The following ZMAT4 variants were observed in gnomAD, a reference collection of about 807,000 sequenced individuals.
The protein encoded by ZMAT4 is zinc finger matrin-type protein 4.
A neutral mutation model predicts 28.7 loss-of-function variants in ZMAT4; 17 were observed. The observed-to-expected ratio is 0.59, with a 90% CI of 0.41 to 0.89. The LOEUF (loss-of-function observed/expected upper bound fraction) is 0.89. Ranked by LOEUF, ZMAT4 falls within the 40% of genes least tolerant of loss-of-function variation. ZMAT4 has a pLI of 0.00. For synonymous variants in ZMAT4, 117 were observed against 109.2 expected, an observed-to-expected ratio of 1.07 and a Z score of -0.44; for missense variants, 240 against 283.8, an observed-to-expected ratio of 0.85 and a Z score of 1.11.
chr8:40,579,637 G>A (rs1408871591), intron 6 of ZMAT4, among the ~76,000 whole-genome samples: 5 of 152,144 alleles, frequency 3.3e-5, no homozygotes, highest in African/African-American at 1.2e-4. Context: ...GACTCCCTGT[G>A]ATGTACATCT....
chr8:40,588,747 T>C (rs550275181), intron 5 of ZMAT4, among the ~76,000 whole-genome samples: 2 of 152,248 alleles, frequency 1.3e-5, no homozygotes, highest in African/African-American at 4.8e-5. Context: ...ATCTACCTTA[T>C]GACAAGAAAT....
At chr8:40,743,257 G>A (rs1812088782) in intron 3 of ZMAT4, among the ~76,000 whole-genome samples, 1 of 152,138 alleles carries the variant, frequency 6.6e-6, no homozygotes, top group Non-Finnish European at 1.5e-5. Flanking sequence ...AGAATTTAGG[G>A]CTTTAAAACA....
chr8:40,891,176 C>A (rs1452170042), intron 1 of ZMAT4, among the ~76,000 whole-genome samples: 9 of 92,360 alleles, frequency 9.7e-5, no homozygotes, highest in African/African-American at 3.7e-4. Flanking sequence ...CCAGCCTGGG[C>A]AACAGAGTGG....
chr8:40,893,519 T>G lies in ZMAT4; in HGVS notation c.-5+4164A>C, dbSNP rs373013608. 1.8e-4 allele frequency among the ~76,000 whole-genome samples: 27 copies of G among 152,328 alleles called. 1 individual carries two copies. The highest frequency in any genetic ancestry group is 5.8e-4 in the African/African-American group (24 of 41,578). ...AGCCCTGGGACACTGCAGCATGTTT[T>G]CAGCATGGGTCAGAGCAGGACCAGC... On this transcript the variant is annotated intron_variant, in intron 1 of 6. Transcript: ENST00000297737.
At chr8:40,651,316 T>C (rs1475156045) in intron 5 of ZMAT4, among the ~76,000 whole-genome samples, 2 of 152,150 alleles carry the variant, frequency 1.3e-5, no homozygotes, top group African/African-American at 2.4e-5. Context: ...ATGAGTGAAC[T>C]CTCATTCACA....
At chr8:40,658,062 A>G (rs561751571) in intron 5 of ZMAT4, among the ~76,000 whole-genome samples, 14 of 152,268 alleles carry the variant, frequency 9.2e-5, no homozygotes, top group South Asian at 4.1e-4. Flanking sequence ...AACTCCATGT[A>G]TATTTTTCAC....
chr8:40,565,193 A>G (rs368130343), intron 6 of ZMAT4, among the ~76,000 whole-genome samples: 3 of 152,256 alleles, frequency 2.0e-5, no homozygotes, highest in African/African-American at 7.2e-5. Context: ...TAGCAATGAA[A>G]TATTCTATCA....
intron 3 of ZMAT4, among the ~76,000 whole-genome samples, chr8:40,742,918 A>T (rs888071763): frequency 6.6e-6 from 1 of 152,202 alleles, no homozygotes; most frequent in East Asian, 1.9e-4. Context: ...GTGAAAGCTT[A>T]AAAAAGACAT....
chr8:40,571,256 T>C (rs1804088348), intron 6 of ZMAT4, among the ~76,000 whole-genome samples: 1 of 151,976 alleles, frequency 6.6e-6, no homozygotes, highest in Non-Finnish European at 1.5e-5. Context: ...ACTGTAATTA[T>C]AATGTATCCC....
rs539046399 is a variant in ZMAT4, at chr8:40,596,537, G to A, written c.578-15276C>T. Reference sequence around the variant, plus strand: ...TTGTGAAAAATGAGGACATAAACACGCACATCAGCCTCGGCCTACATGAGG... The same window carrying A: ...TTGTGAAAAATGAGGACATAAACACACACATCAGCCTCGGCCTACATGAGG... On this transcript the variant is annotated intron_variant, in intron 5 of 6. Coordinates refer to ENST00000297737, the MANE Select transcript of ZMAT4 (RefSeq NM_024645.3). Among the ~76,000 whole-genome samples, 14 of 152,046 alleles carry A rather than the reference G, an allele frequency of 9.2e-5. No individual in the cohort carries two copies. In the South Asian group the frequency reaches 2.9e-3, roughly 32 times the overall value.
intron 5 of ZMAT4, among the ~76,000 whole-genome samples, chr8:40,607,720 G>A (rs1418971427): frequency 6.6e-6 from 1 of 152,134 alleles, no homozygotes; most frequent in African/African-American, 2.4e-5. Flanking sequence ...CCCACAGAGT[G>A]CTCCCTTGAT....
intron 3 of ZMAT4, among the ~76,000 whole-genome samples, chr8:40,698,333 A>G (rs7012695): frequency 0.44 from 67,574 of 152,094 alleles, 15,354 homozygotes; most frequent in Non-Finnish European, 0.49. Context: ...GTGACCTGCT[A>G]TTGTGCTCGC....
intron 1 of ZMAT4, among the ~76,000 whole-genome samples, chr8:40,855,228 T>G (rs1475625192): frequency 6.6e-5 from 10 of 152,128 alleles, no homozygotes. Context: ...CCTGTATTAT[T>G]TTTCTGACAA....
intron 1 of ZMAT4, among the ~76,000 whole-genome samples, chr8:40,878,883 G>A (rs1385019402): frequency 1.3e-5 from 2 of 152,124 alleles, no homozygotes; most frequent in African/African-American, 4.8e-5. Flanking sequence ...GCATTGAGTG[G>A]GCAGGGCTGC....
At chr8:40,820,490 GTA>G (rs1398214372) in intron 2 of ZMAT4, among the ~76,000 whole-genome samples, 8 of 150,986 alleles carry the variant, frequency 5.3e-5, no homozygotes, top group African/African-American at 1.5e-4. Context: ...GTGTATGTGT[GTA>G]TATGTGTGTA....
At chr8:40,801,351 A>AAATATATATATATATATATATATATATGT (rs370796453) in intron 2 of ZMAT4, among the ~76,000 whole-genome samples, 1 of 97,258 alleles carries the variant, frequency 1.0e-5, no homozygotes, top group African/African-American at 3.7e-5. Flanking sequence ...TAAAAAAAAA[A>AAATATATATATATATATATATATATATGT]ATATATATAT....
chr8:40,686,850 C>A (rs1417755878), intron 4 of ZMAT4, among the ~76,000 whole-genome samples: 1 of 151,978 alleles, frequency 6.6e-6, no homozygotes, highest in Non-Finnish European at 1.5e-5. Flanking sequence ...GTCTGTTTGA[C>A]AAAAGTTACT....
chr8:40,882,913 T>G (rs1818330635), intron 1 of ZMAT4, among the ~76,000 whole-genome samples: 1 of 152,018 alleles, frequency 6.6e-6, no homozygotes. Flanking sequence ...ATGTGTGAGT[T>G]CTCTTCCCTG....
intron 5 of ZMAT4, among the ~76,000 whole-genome samples, chr8:40,629,052 C>T (rs1357179121): frequency 1.3e-5 from 2 of 150,022 alleles, no homozygotes; most frequent in Non-Finnish European, 3.0e-5. Context: ...TCCCTTCGCC[C>T]TCTTTATTTT....
Sources: allele counts gnomAD v4.1 joint callset (sites outside exome capture counted in the v4.1 genomes callset), GRCh38; gene constraint gnomAD v4.1.1; transcripts MANE v1.5; gene names NCBI Gene and HGNC (gene_info 2026-07-23, HGNC 2026-07-21).